Variants in SLC35F3 observed in about 807,000 individuals in gnomAD.
The protein encoded by SLC35F3 is solute carrier family 35 member F3, also known as putative thiamine transporter SLC35F3.
Under a neutral mutation model 49.9 loss-of-function variants are expected in SLC35F3, and 25 were observed. That is an observed-to-expected ratio of 0.50 (90% CI 0.37 to 0.70). The LOEUF is 0.70. SLC35F3 is among the 30% of genes least tolerant of loss of function. The probability of loss-of-function intolerance (pLI) is 0.00; values close to 1 mark genes in which losing one functional copy is unlikely to be tolerated. For missense variants in SLC35F3, 525 were observed against 639.8 expected (o/e 0.82, Z 1.94); for synonymous variants, 275 against 265.4 (o/e 1.04, Z -0.35).
rs559828419 is a variant in SLC35F3, at chr1:234,305,907, C to G, written c.609-3194C>G. On this transcript the variant is annotated intron_variant, in intron 3 of 7. Transcript: ENST00000366618. ...ATAGGAACAGAAGGACTTGAGTGTT[C>G]TGGAAGTAACCTGCCACCCTCTAGT... is the stretch of plus-strand genomic sequence containing the variant. Among the ~76,000 whole-genome samples, 5 of 152,280 alleles carry G rather than the reference C, an allele frequency of 3.3e-5. No individual in the cohort carries two copies. In the East Asian group the frequency reaches 7.7e-4, roughly 23 times the overall value.
chr1:234,204,692 T>A (rs888359374), intron 2 of SLC35F3, among the ~76,000 whole-genome samples: 1 of 152,226 alleles, frequency 6.6e-6, no homozygotes, highest in Non-Finnish European at 1.5e-5. Flanking sequence ...CTCTAGGGAA[T>A]TATTGGGGAT....
At chr1:234,160,442 GA>G (rs1218894964) in intron 2 of SLC35F3, among the ~76,000 whole-genome samples, 5 of 152,168 alleles carry the variant, frequency 3.3e-5, no homozygotes, top group Non-Finnish European at 7.4e-5. Flanking sequence ...CTCCAAAGGT[GA>G]AGCTAATGGC....
intron 2 of SLC35F3, among the ~76,000 whole-genome samples, chr1:234,031,782 C>A (rs1238409000): frequency 6.6e-6 from 1 of 152,188 alleles, no homozygotes; most frequent in African/African-American, 2.4e-5. Flanking sequence ...CAACTGTGTC[C>A]ATTTCAAGGT....
At chr1:233,914,365 G>A (rs1335663367) in intron 2 of SLC35F3, among the ~76,000 whole-genome samples, 1 of 152,152 alleles carries the variant, frequency 6.6e-6, no homozygotes, top group Admixed American at 6.5e-5. Flanking sequence ...GAGAGCAGTG[G>A]TGGTTTCCAG....
chr1:233,905,163 C>A (rs1294240120), intron 1 of SLC35F3, 33 bp downstream of exon 1: 1 of 1,549,560 alleles, frequency 6.5e-7, no homozygotes, highest in East Asian at 2.4e-5. Context: ...GTGAGCGAGC[C>A]GGCGGGCGGG....
At chr1:234,173,159 T>A (rs906427854) in intron 2 of SLC35F3, among the ~76,000 whole-genome samples, 5 of 152,218 alleles carry the variant, frequency 3.3e-5, no homozygotes, top group Admixed American at 2.6e-4. Flanking sequence ...AGCATTTCAC[T>A]AGGAACAGGT....
At chr1:234,250,820 C>T (rs1667727142) in intron 3 of SLC35F3, among the ~76,000 whole-genome samples, 1 of 151,974 alleles carries the variant, frequency 6.6e-6, no homozygotes, top group African/African-American at 2.4e-5. Flanking sequence ...GAGGAGGGGG[C>T]ACCACACTCT....
At chr1:234,316,795 C>A in intron 5 of SLC35F3, 68 bp downstream of exon 5, 2 of 1,544,244 alleles carry the variant, frequency 1.3e-6, no homozygotes, top group East Asian at 4.6e-5. Flanking sequence ...GGCTTTAGAT[C>A]GCTTGTCCTT....
chr1:234,207,549 C>T (rs1367665922), intron 2 of SLC35F3, among the ~76,000 whole-genome samples: 2 of 135,160 alleles, frequency 1.5e-5, no homozygotes, highest in Non-Finnish European at 3.2e-5. Flanking sequence ...ATACCTAGGA[C>T]AATAATTTCA....
chr1:234,146,935 G>A (rs1666006798), intron 2 of SLC35F3, among the ~76,000 whole-genome samples: 1 of 152,076 alleles, frequency 6.6e-6, no homozygotes, highest in Non-Finnish European at 1.5e-5. Flanking sequence ...TGGATGAGAG[G>A]TTTGCTTCAG....
chr1:234,263,167 C>G (rs1477034037), intron 3 of SLC35F3, among the ~76,000 whole-genome samples: 1 of 152,134 alleles, frequency 6.6e-6, no homozygotes, highest in African/African-American at 2.4e-5. Context: ...AACTGAGAAG[C>G]TCTGTTTGAG....
intron 4 of SLC35F3, among the ~76,000 whole-genome samples, chr1:234,313,529 C>T (rs1188026804): frequency 6.6e-6 from 1 of 152,184 alleles, no homozygotes; most frequent in East Asian, 1.9e-4. Context: ...GAGGTGGTGG[C>T]TCTTACCCAT....
intron 2 of SLC35F3, among the ~76,000 whole-genome samples, chr1:234,004,198 T>C (rs1663595798): frequency 6.6e-6 from 1 of 152,156 alleles, no homozygotes; most frequent in Admixed American, 6.5e-5. Context: ...AACAATCTAA[T>C]GTCTGTCAAT....
At chr1:234,111,150 TTTAA>T (rs1487615029) in intron 2 of SLC35F3, among the ~76,000 whole-genome samples, 1 of 152,108 alleles carries the variant, frequency 6.6e-6, no homozygotes, top group Admixed American at 6.5e-5. Context: ...AGAGAGTGAA[TTTAA>T]TTTTTAATTA....
chr1:233,960,398 C>G (rs1336817579), intron 2 of SLC35F3, among the ~76,000 whole-genome samples: 1 of 152,170 alleles, frequency 6.6e-6, no homozygotes, highest in African/African-American at 2.4e-5. Context: ...GGCCACTTTT[C>G]CCACCAAGCA....
At chr1:234,187,204 C>A (rs747230314) in intron 2 of SLC35F3, among the ~76,000 whole-genome samples, 20 of 152,196 alleles carry the variant, frequency 1.3e-4, no homozygotes, top group Non-Finnish European at 1.8e-4. Context: ...GAACAAGCAA[C>A]CAACCACCAC....
chr1:233,938,651 A>T (rs1356974819), intron 2 of SLC35F3, among the ~76,000 whole-genome samples: 1 of 149,726 alleles, frequency 6.7e-6, no homozygotes, highest in African/African-American at 2.5e-5. Flanking sequence ...GATGGATGGA[A>T]GGATGGAGGG....
chr1:234,197,274 T>C (rs1386620570), intron 2 of SLC35F3, among the ~76,000 whole-genome samples: 1 of 152,096 alleles, frequency 6.6e-6, no homozygotes, highest in East Asian at 1.9e-4. Flanking sequence ...AACAGTAAAC[T>C]CTTTGGGCAG....
At chr1:234,215,565 T>TC (rs1449741459) in intron 2 of SLC35F3, among the ~76,000 whole-genome samples, 2 of 152,172 alleles carry the variant, frequency 1.3e-5, no homozygotes, top group African/African-American at 2.4e-5. Context: ...CCCATGAGCA[T>TC]CAGCGGTGAA....
Sources: gnomAD v4.1 joint callset for allele counts (sites outside exome capture counted in the v4.1 genomes callset) on GRCh38, gnomAD v4.1.1 for gene constraint, MANE v1.5 for transcripts, NCBI Gene and HGNC (gene_info 2026-07-23, HGNC 2026-07-21) for gene names.